Variants in RBFOX3 observed in about 807,000 individuals in gnomAD.
The protein encoded by RBFOX3 is RNA binding fox-1 homolog 3.
Under a neutral mutation model 48.7 loss-of-function variants are expected in RBFOX3, and 17 were observed. The ratio of observed to expected loss-of-function variants is 0.35; its 90% CI spans 0.24 to 0.52. RBFOX3 has a LOEUF of 0.52. RBFOX3 is among the 20% of genes least tolerant of loss of function. RBFOX3 has a pLI of 0.94. For missense variants in RBFOX3, 382 were observed against 497.5 expected (o/e 0.77, Z 2.21); for synonymous variants, 212 against 209.5 (o/e 1.01, Z -0.10).
At chr17:79,568,603 G>A (rs893047505) in intron 1 of RBFOX3, among the ~76,000 whole-genome samples, 10 of 152,082 alleles carry the variant, frequency 6.6e-5, no homozygotes, top group Non-Finnish European at 1.5e-4. Flanking sequence ...CTTCTTCAAT[G>A]TTTCTCCAGT....
intron 2 of RBFOX3, among the ~76,000 whole-genome samples, chr17:79,389,478 G>C (rs889797988): frequency 4.6e-5 from 7 of 152,218 alleles, no homozygotes; most frequent in South Asian, 2.1e-4. Flanking sequence ...CCTTGAGGGG[G>C]TATTTACAGC....
At chr17:79,096,414 A>G (rs7213056) in intron 12 of RBFOX3, among the ~76,000 whole-genome samples, 6,743 of 152,254 alleles carry the variant, frequency 0.044, 303 homozygotes, top group African/African-American at 0.12. Context: ...TTCAGCTCAC[A>G]GGGCTGCTGG....
At chr17:79,496,991 C>T (rs2081631650) in intron 1 of RBFOX3, among the ~76,000 whole-genome samples, 1 of 152,150 alleles carries the variant, frequency 6.6e-6, no homozygotes, top group East Asian at 1.9e-4. Flanking sequence ...CAGGCTGTCC[C>T]CATGCTATCC....
chr17:79,286,858 G>A (rs1052912431), intron 3 of RBFOX3, among the ~76,000 whole-genome samples: 20 of 152,216 alleles, frequency 1.3e-4, no homozygotes, highest in Non-Finnish European at 2.4e-4. Flanking sequence ...ACGCCCTGGT[G>A]CCCTCCTCAG....
chr17:79,542,962 C>T (rs1201380696), intron 1 of RBFOX3, among the ~76,000 whole-genome samples: 1 of 152,080 alleles, frequency 6.6e-6, no homozygotes, highest in Non-Finnish European at 1.5e-5. Flanking sequence ...ACACTTTTCA[C>T]TCTACACACG....
At chr17:79,377,369 G>A (rs535113093) in intron 2 of RBFOX3, among the ~76,000 whole-genome samples, 11 of 151,730 alleles carry the variant, frequency 7.2e-5, no homozygotes, top group South Asian at 4.2e-4. Flanking sequence ...ACTTGTAAAC[G>A]GAAACACATC....
chr17:79,422,677 G>A (rs572082779), intron 2 of RBFOX3, among the ~76,000 whole-genome samples: 9 of 127,854 alleles, frequency 7.0e-5, no homozygotes, highest in Admixed American at 2.4e-4. Context: ...GCGCAGTGGC[G>A]GGAACCCGGG....
chr17:79,407,750 G>T (rs1227382626), intron 2 of RBFOX3, among the ~76,000 whole-genome samples: 2 of 152,180 alleles, frequency 1.3e-5, no homozygotes, highest in African/African-American at 2.4e-5. Context: ...ATTCAAGGTG[G>T]CTTGGGGGAA....
At chr17:79,536,047 G>T (rs2088678625) in intron 1 of RBFOX3, among the ~76,000 whole-genome samples, 1 of 152,184 alleles carries the variant, frequency 6.6e-6, no homozygotes, top group African/African-American at 2.4e-5. Flanking sequence ...TGGTCTCACA[G>T]GGGGCTGGGG....
chr17:79,406,717 A>G (rs1356738961), intron 2 of RBFOX3, among the ~76,000 whole-genome samples: 1 of 152,196 alleles, frequency 6.6e-6, no homozygotes, highest in Non-Finnish European at 1.5e-5. Context: ...CCAGCAGTTG[A>G]TAAAATTTGC....
At chr17:79,476,175 T>C (rs919467632) in intron 2 of RBFOX3, among the ~76,000 whole-genome samples, 1 of 152,324 alleles carries the variant, frequency 6.6e-6, no homozygotes, top group African/African-American at 2.4e-5. Flanking sequence ...GCTCCAGCGC[T>C]GGAACTACAT....
At chr17:79,520,038 T>C (rs946160882) in intron 1 of RBFOX3, among the ~76,000 whole-genome samples, 8 of 152,122 alleles carry the variant, frequency 5.3e-5, no homozygotes, top group African/African-American at 1.9e-4. Context: ...ACAAAGCCCG[T>C]TGAAAGTCAC....
intron 4 of RBFOX3, among the ~76,000 whole-genome samples, chr17:79,125,096 G>A (rs111825181): frequency 0.028 from 4,310 of 152,226 alleles, 202 homozygotes; most frequent in African/African-American, 0.096. Flanking sequence ...AAATAAACTC[G>A]TCTCCAATTA....
chr17:79,359,085 T>C (rs1314196938), intron 2 of RBFOX3, among the ~76,000 whole-genome samples: 1 of 152,208 alleles, frequency 6.6e-6, no homozygotes, highest in Non-Finnish European at 1.5e-5. Context: ...CAACACATCC[T>C]GTAATCCTCT....
Position 79,391,050 on chromosome 17 carries a change from T to C in RBFOX3, c.-174-83226A>G, listed in dbSNP as rs927937735. 7.2e-5 allele frequency among the ~76,000 whole-genome samples: 11 copies of C among 152,192 alleles called. No homozygotes were observed. The highest frequency in any genetic ancestry group is 1.0e-4 in the Non-Finnish European group (7 of 68,030). ...CGCTGTCTCTTCAAAGTCTCTCTTCTACCCACTGCCATGGGAGCCTTCGCA... is the reference window on the plus strand; with the variant it reads ...CGCTGTCTCTTCAAAGTCTCTCTTCCACCCACTGCCATGGGAGCCTTCGCA... On this transcript the variant is annotated intron_variant, in intron 2 of 14. Transcript: ENST00000693108. This position sits in a 1 kb window ranked among gnomAD's most constrained non-coding sequence, Gnocchi z 5.0.
At chr17:79,581,872 C>T (rs930444955) in intron 1 of RBFOX3, among the ~76,000 whole-genome samples, 2,164 of 152,368 alleles carry the variant, frequency 0.014, 48 homozygotes, top group African/African-American at 0.049. Context: ...CATAGGGAAT[C>T]GTGTTAGCCC....
rs1307570445 is a variant in RBFOX3, at chr17:79,516,545, C to A, written c.-319-33947G>T. Among the ~76,000 whole-genome samples the A allele has an allele frequency of 2.6e-5, 4 of 152,376 alleles. No individual in the cohort carries two copies. The South Asian group carries it at 8.3e-4, about 32-fold the overall frequency. On this transcript the variant is annotated intron_variant, in intron 1 of 14. Transcript: ENST00000693108. Reference sequence around the variant, plus strand: ...GAAAGAGCCAGAGCTCTGTTCACGCCCCGAGGTCAGAGTTCATCCCCAGAG... The same window carrying A: ...GAAAGAGCCAGAGCTCTGTTCACGCACCGAGGTCAGAGTTCATCCCCAGAG...
At chr17:79,653,647 C>A in the RBFOX3 span, among the ~76,000 whole-genome samples, 68 of 152,030 alleles carry the variant, frequency 4.5e-4, no homozygotes, top group Admixed American at 1.2e-3. Flanking sequence ...AGGTTAATTC[C>A]GGAAGAAACA....
At chr17:79,512,418 C>T (rs2084464130) in intron 1 of RBFOX3, among the ~76,000 whole-genome samples, 1 of 125,690 alleles carries the variant, frequency 8.0e-6, no homozygotes, top group Non-Finnish European at 1.7e-5. Flanking sequence ...AGGGGACGCA[C>T]ACCTGGATAC....
Sources: allele counts gnomAD v4.1 joint callset (sites outside exome capture counted in the v4.1 genomes callset), GRCh38; gene constraint gnomAD v4.1.1; non-coding constraint Gnocchi (gnomAD v3.1); transcripts MANE v1.5; gene names NCBI Gene and HGNC (gene_info 2026-07-23, HGNC 2026-07-21).